PEX5L: variants seen among roughly 807,000 people sequenced by gnomAD.
PEX5L encodes peroxisomal biogenesis factor 5 like.
Under a neutral mutation model 84.0 loss-of-function variants are expected in PEX5L, and 30 were observed. The observed-to-expected ratio is 0.36, with a 90% CI of 0.27 to 0.48. The LOEUF (loss-of-function observed/expected upper bound fraction) is 0.48, where lower values mean the gene tolerates loss of function less well. PEX5L is among the 20% of genes least tolerant of loss of function. The pLI, the probability that PEX5L is intolerant of heterozygous loss-of-function variation, is 0.99. For missense variants in PEX5L, 533 were observed against 754.6 expected (o/e 0.71, Z 3.44); for synonymous variants, 270 against 283.1 (o/e 0.95, Z 0.46).
intron 8 of PEX5L, among the ~76,000 whole-genome samples, chr3:179,821,862 C>T (rs958034713): frequency 6.6e-6 from 1 of 152,140 alleles, no homozygotes; most frequent in Non-Finnish European, 1.5e-5. Flanking sequence ...AGAAATGTGC[C>T]TTTGAATGAA....
intron 2 of PEX5L, among the ~76,000 whole-genome samples, chr3:179,903,408 T>C (rs1403120748): frequency 3.3e-5 from 5 of 152,106 alleles, no homozygotes; most frequent in African/African-American, 9.7e-5. Context: ...AAAAATTTTT[T>C]TCTTAGAAAT....
chr3:179,865,270 G>GTGTT (rs1330447291), intron 7 of PEX5L, among the ~76,000 whole-genome samples: 1 of 152,156 alleles, frequency 6.6e-6, no homozygotes, highest in East Asian at 1.9e-4. Flanking sequence ...ATTAAGAAGA[G>GTGTT]TGTTATCTAT....
At chr3:179,827,626 T>G (rs1731024688) in intron 8 of PEX5L, among the ~76,000 whole-genome samples, 1 of 152,196 alleles carries the variant, frequency 6.6e-6, no homozygotes, top group African/African-American at 2.4e-5. Flanking sequence ...GGAACATCTT[T>G]TACTACTTTA....
At chr3:180,018,861 T>C (rs2110498174) in intron 1 of PEX5L, among the ~76,000 whole-genome samples, 1 of 151,116 alleles carries the variant, frequency 6.6e-6, no homozygotes, top group East Asian at 1.9e-4. Context: ...ATTCAATTTG[T>C]TCAAGTTGTC....
intron 1 of PEX5L, among the ~76,000 whole-genome samples, chr3:180,012,066 G>A (rs978894706): frequency 1.3e-5 from 2 of 152,160 alleles, no homozygotes; most frequent in Non-Finnish European, 2.9e-5. Context: ...TTGTCTAGTA[G>A]AAGGGAAACG....
intron 14 of PEX5L, among the ~76,000 whole-genome samples, chr3:179,802,434 C>G (rs1719238828): frequency 6.7e-6 from 1 of 148,532 alleles, no homozygotes; most frequent in African/African-American, 2.5e-5. Context: ...ACTAGGGAGG[C>G]TGAGGCAGGA....
chr3:179,829,331 G>C (rs1230287968), intron 8 of PEX5L, among the ~76,000 whole-genome samples: 1 of 152,180 alleles, frequency 6.6e-6, no homozygotes, highest in African/African-American at 2.4e-5. Flanking sequence ...AAACTTTTAA[G>C]TTCTGTGGTT....
At chr3:179,952,407 G>A (rs1051327620) in intron 2 of PEX5L, among the ~76,000 whole-genome samples, 5 of 152,096 alleles carry the variant, frequency 3.3e-5, no homozygotes, top group African/African-American at 1.2e-4. Context: ...GAAAAGGTCG[G>A]GGGGTGTGGG....
In PEX5L at chr3:179,925,328, A is replaced by G. The variant is rs552681161; in HGVS notation, c.94-27082T>C. Among the ~76,000 whole-genome samples, 203 of 151,120 alleles carry G rather than the reference A, an allele frequency of 1.3e-3. 1 individual carries two copies. The highest frequency in any genetic ancestry group is 6.8e-4 in the Non-Finnish European group (46 of 67,860). On this transcript the variant is annotated intron_variant, in intron 2 of 14. Transcript: ENST00000467460. Reference sequence around the variant, plus strand: ...CATCTGCCTAGCTCACCCGTCCATCATGCCCTATCCATAAACACTGTGGTT... The same window carrying G: ...CATCTGCCTAGCTCACCCGTCCATCGTGCCCTATCCATAAACACTGTGGTT...
chr3:180,032,110 C>T (rs1217421620), intron 1 of PEX5L, among the ~76,000 whole-genome samples: 5 of 152,168 alleles, frequency 3.3e-5, no homozygotes, highest in African/African-American at 1.2e-4. Flanking sequence ...GTGTTAAAAG[C>T]TCAACACTAC....
rs937802681 is a variant in PEX5L at position 180,010,022 on chromosome 3, C to A, written c.21+26557G>T. Among the ~76,000 whole-genome samples, 9 of 152,082 alleles carry A rather than the reference C, an allele frequency of 5.9e-5. 1 individual carries two copies. The highest frequency in any genetic ancestry group is 2.2e-4 in the African/African-American group (9 of 41,478). The stretch of plus-strand genomic sequence containing the variant: ...GCAGTGGCGCGATCTCGACACACTG[C>A]AAGCTCCGCCTCTAGGGTTCATGCC... On this transcript the variant is annotated intron_variant, in intron 1 of 14. Coordinates refer to ENST00000467460, the MANE Select transcript of PEX5L (RefSeq NM_016559.3).
intron 1 of PEX5L, among the ~76,000 whole-genome samples, chr3:180,027,993 G>A (rs898280971): frequency 1.3e-5 from 2 of 152,172 alleles, no homozygotes; most frequent in African/African-American, 4.8e-5. Context: ...ATGTCCAGAG[G>A]CACATGCTCC....
intron 1 of PEX5L, among the ~76,000 whole-genome samples, chr3:179,998,877 T>C (rs1302889323): frequency 6.6e-6 from 1 of 152,216 alleles, no homozygotes; most frequent in Non-Finnish European, 1.5e-5. Context: ...GAGTTCCCTA[T>C]GGTCAGTTGA....
intron 8 of PEX5L, among the ~76,000 whole-genome samples, chr3:179,835,741 A>G (rs1734710235): frequency 6.6e-6 from 1 of 152,210 alleles, no homozygotes; most frequent in Non-Finnish European, 1.5e-5. Flanking sequence ...CTCTATTTTC[A>G]TATGGGGAAC....
intron 1 of PEX5L, among the ~76,000 whole-genome samples, chr3:180,024,631 A>C (rs1790773734): frequency 1.3e-5 from 2 of 151,598 alleles, no homozygotes; most frequent in Admixed American, 1.3e-4. Flanking sequence ...CCATTGTATG[A>C]CCATTGTGAG....
At chr3:179,876,305 C>A (rs539257531) in intron 5 of PEX5L, among the ~76,000 whole-genome samples, 26 of 151,768 alleles carry the variant, frequency 1.7e-4, no homozygotes, top group Non-Finnish European at 3.5e-4. Flanking sequence ...ACCAGCCTGA[C>A]CAACATGGTG....
At chr3:179,942,035 A>AAGAAG (rs1776274836) in intron 2 of PEX5L, among the ~76,000 whole-genome samples, 1 of 150,214 alleles carries the variant, frequency 6.7e-6, no homozygotes, top group African/African-American at 2.4e-5. Flanking sequence ...AAAAAAAAAA[A>AAGAAG]AGAAGAAAAG....
chr3:179,842,071 A>G (rs547463357), intron 8 of PEX5L, among the ~76,000 whole-genome samples: 5 of 152,364 alleles, frequency 3.3e-5, no homozygotes, highest in African/African-American at 1.2e-4. Flanking sequence ...AAGTGGTCCA[A>G]CAAACTGGAA....
Position 179,801,343 on chromosome 3 carries a change from T to C in PEX5L, c.*485A>G, listed in dbSNP as rs533703741. ...AACAGGTTTAAGCAATGTCTGTCTT[T>C]AGTCACAAGTTAATATATGTGCATG... On this transcript the variant is annotated 3_prime_UTR_variant, in exon 15 of 15. Coordinates refer to ENST00000467460, the MANE Select transcript of PEX5L (RefSeq NM_016559.3). The C allele has an allele frequency of 7.4e-4, 116 of 157,272 alleles. No homozygotes were observed. The highest frequency in any genetic ancestry group is 2.7e-3 in the African/African-American group (111 of 41,588). 9.7% of individuals were successfully genotyped at this position (157,272 alleles called of 1,614,324 possible). A position where few individuals can be genotyped will look rare whatever the true frequency, so the allele number is the denominator to read the frequency against.
Sources: allele counts gnomAD v4.1 joint callset (sites outside exome capture counted in the v4.1 genomes callset), GRCh38; gene constraint gnomAD v4.1.1; transcripts MANE v1.5; gene names NCBI Gene and HGNC (gene_info 2026-07-23, HGNC 2026-07-21).